Variants in CDC42BPB observed in about 807,000 individuals in gnomAD.
The protein encoded by CDC42BPB is serine/threonine-protein kinase MRCK beta.
Under a neutral mutation model 214.9 loss-of-function variants are expected in CDC42BPB, and 37 were observed. That is an observed-to-expected ratio of 0.17 (90% CI 0.13 to 0.23). The LOEUF (loss-of-function observed/expected upper bound fraction) is 0.23. Ranked by LOEUF, CDC42BPB falls within the 10% of genes least tolerant of loss-of-function variation. The pLI is 1.00. For synonymous variants in CDC42BPB, 931 were observed against 884.0 expected (o/e 1.05, Z -0.94); for missense variants, 1,694 against 2,227.0 (o/e 0.76, Z 4.82).
At chr14:103,018,571 A>G (rs914325383) in intron 1 of CDC42BPB, among the ~76,000 whole-genome samples, 11 of 152,144 alleles carry the variant, frequency 7.2e-5, no homozygotes, top group Admixed American at 2.0e-4. Flanking sequence ...TGGGATGAGC[A>G]AAGAAGATTC....
chr14:103,027,342 T>C (rs1022087441), intron 1 of CDC42BPB, among the ~76,000 whole-genome samples: 4 of 152,200 alleles, frequency 2.6e-5, no homozygotes, highest in East Asian at 1.9e-4. Context: ...AATCAAAGCA[T>C]GTCTGCACCA....
Position 102,945,563 on chromosome 14 carries a change from G to T in CDC42BPB, c.3811+99C>A, listed in dbSNP as rs532321975. On this transcript the variant is annotated intron_variant, in intron 29 of 36. Transcript: ENST00000361246. Reference sequence around the variant, plus strand: ...GGCCCCTCCGGCGCCTTCATCAAGCGCATTTGTCTTAACCCTTAGGAGCTA... The same window carrying T: ...GGCCCCTCCGGCGCCTTCATCAAGCTCATTTGTCTTAACCCTTAGGAGCTA... 4.6e-6 allele frequency: 5 copies of T among 1,083,750 alleles called. No homozygotes were observed. The East Asian group carries it at 1.2e-4, about 26-fold the overall frequency. 67.1% of individuals were successfully genotyped at this position (1,083,750 alleles called of 1,614,324 possible). A position where few individuals can be genotyped will look rare whatever the true frequency, so the allele number is the denominator to read the frequency against.
intron 20 of CDC42BPB, among the ~76,000 whole-genome samples, chr14:102,961,656 G>A (rs1351311697): frequency 2.6e-5 from 4 of 151,894 alleles, no homozygotes; most frequent in Admixed American, 1.3e-4. Flanking sequence ...CAATACTCCT[G>A]CCTCAGCCTC....
chr14:102,962,739 G>A (rs1337525632), intron 20 of CDC42BPB, among the ~76,000 whole-genome samples: 1 of 152,148 alleles, frequency 6.6e-6, no homozygotes, highest in Non-Finnish European at 1.5e-5. Context: ...TGCAATCCCA[G>A]CTACTTGCGA....
At chr14:103,035,039 C>T (rs1887590920) in intron 1 of CDC42BPB, among the ~76,000 whole-genome samples, 1 of 151,334 alleles carries the variant, frequency 6.6e-6, no homozygotes, top group Non-Finnish European at 1.5e-5. Flanking sequence ...TCAATAGGGG[C>T]AACTAGCAAT....
At chr14:103,011,042 AAGC>A (rs1270291785) in intron 2 of CDC42BPB, among the ~76,000 whole-genome samples, 1 of 152,108 alleles carries the variant, frequency 6.6e-6, no homozygotes, top group Non-Finnish European at 1.5e-5. Context: ...AAAACAAAAA[AAGC>A]AGCAGCAAAG....
chr14:102,975,226 G>C (rs1893683721), intron 11 of CDC42BPB, among the ~76,000 whole-genome samples: 1 of 152,180 alleles, frequency 6.6e-6, no homozygotes, highest in African/African-American at 2.4e-5. Context: ...AATATCATTA[G>C]AACTAAGCCA....
rs186033184 is a variant in CDC42BPB, at chr14:103,028,665, C to A, written c.176-16477G>T. Among the ~76,000 whole-genome samples, 211 of 152,362 alleles carry A rather than the reference C, an allele frequency of 1.4e-3. 1 individual carries two copies. The highest frequency in any genetic ancestry group is 4.8e-3 in the African/African-American group (201 of 41,582). On this transcript the variant is annotated intron_variant, in intron 1 of 36. Transcript: ENST00000361246. ...GTGCATGTGAGTGAAAAGAAACCCA[C>A]AGCTTCCAGAAGGTTCTTCCTACGT...
intron 1 of CDC42BPB, among the ~76,000 whole-genome samples, chr14:103,038,993 GAAC>G (rs1439569806): frequency 6.6e-6 from 1 of 152,088 alleles, no homozygotes; most frequent in Non-Finnish European, 1.5e-5. Flanking sequence ...GAAAAACTAT[GAAC>G]AACTGTATGC....
chr14:102,956,428 G>C, intron 21 of CDC42BPB: 1 of 984,400 alleles, frequency 1.0e-6, no homozygotes, highest in Non-Finnish European at 1.2e-6. Flanking sequence ...CGTGGGATAA[G>C]AAGTTTCTCA....
intron 1 of CDC42BPB, among the ~76,000 whole-genome samples, chr14:103,024,417 G>A (rs571098382): frequency 1.3e-5 from 2 of 152,168 alleles, no homozygotes; most frequent in Admixed American, 6.5e-5. Flanking sequence ...GTGATTAAAT[G>A]CTTCCTACCC....
At position 103,057,029 on chromosome 14, in the gene CDC42BPB, C is replaced by A. The variant is rs1392880438; in HGVS notation, c.145G>T (p.Asp49Tyr). 3 of 1,501,296 alleles carry A rather than the reference C, an allele frequency of 2.0e-6. No homozygotes were observed. Among genetic ancestry groups the A allele is most frequent in the East Asian group, 2.7e-5 (1 of 36,522 alleles). 93.0% of individuals were successfully genotyped at this position (1,501,296 alleles called of 1,614,324 possible). A position where few individuals can be genotyped will look rare whatever the true frequency, so the allele number is the denominator to read the frequency against. The change falls in exon 1 of 37, where the codon GAC becomes TAC. Residue 49 changes from aspartate to tyrosine, a missense_variant. Around this residue, in one of 7 missense-constraint regions of CDC42BPB, gnomAD observed 83 missense variants for 79.9 expected, o/e 1.04. Coordinates refer to ENST00000361246, the MANE Select transcript of CDC42BPB (RefSeq NM_006035.4). Reference protein sequence around the residue: ...TECSHSALRRDKYVAEFLEWA... With the variant: ...TECSHSALRRYKYVAEFLEWA... ...TCGAGGAACTCGGCCACGTACTTGTCGCGGCGCAGGGCCGAGTGGCTGCAC... is the reference window on the plus strand; with the variant it reads ...TCGAGGAACTCGGCCACGTACTTGTAGCGGCGCAGGGCCGAGTGGCTGCAC...
chr14:102,981,305 G>T, intron 7 of CDC42BPB: 1 of 506,898 alleles, frequency 2.0e-6, no homozygotes, highest in African/African-American at 2.1e-5. Context: ...GCCGTGCGCG[G>T]GAAGAGGGAC....
chr14:102,959,126 G>GTC (rs1020235653), intron 21 of CDC42BPB, among the ~76,000 whole-genome samples: 1 of 151,748 alleles, frequency 6.6e-6, no homozygotes, highest in African/African-American at 2.4e-5. Flanking sequence ...GTGAAACCCT[G>GTC]TCTCTACTAA....
At chr14:103,047,279 C>CAAAA (rs397852207) in intron 1 of CDC42BPB, among the ~76,000 whole-genome samples, 2 of 93,502 alleles carry the variant, frequency 2.1e-5, no homozygotes, top group African/African-American at 3.8e-5. Context: ...GTAATACTCT[C>CAAAA]AAAAAAAAAA....
intron 1 of CDC42BPB, chr14:103,041,678 C>A: frequency 1.1e-5 from 6 of 558,186 alleles, no homozygotes; most frequent in Non-Finnish European, 1.9e-5. Context: ...AAGGTGCGCA[C>A]CGGCCGCAGC....
chr14:103,028,353 T>C (rs1462767454), intron 1 of CDC42BPB, among the ~76,000 whole-genome samples: 1 of 152,204 alleles, frequency 6.6e-6, no homozygotes, highest in Non-Finnish European at 1.5e-5. Context: ...CTTCACCGCT[T>C]ACTGTGTTGC....
intron 14 of CDC42BPB, 127 bp from the exon 15 acceptor site, chr14:102,968,843 C>T: frequency 6.6e-7 from 1 of 1,504,804 alleles, no homozygotes; most frequent in Non-Finnish European, 8.8e-7. Context: ...CTGGTCTACA[C>T]CAGATGACGT....
intron 36 of CDC42BPB, among the ~76,000 whole-genome samples, chr14:102,935,031 A>G (rs976172141): frequency 1.3e-5 from 2 of 151,308 alleles, no homozygotes; most frequent in African/African-American, 4.9e-5. Flanking sequence ...AAAAAAAAAG[A>G]AAAAAAGAAA....
Sources: allele counts gnomAD v4.1 joint callset (sites outside exome capture counted in the v4.1 genomes callset), GRCh38; gene constraint gnomAD v4.1.1; regional missense constraint gnomAD v4.1.1; transcripts MANE v1.5; gene names NCBI Gene and HGNC (gene_info 2026-07-23, HGNC 2026-07-21).